Variants in P4HB observed in about 807,000 individuals in gnomAD.
P4HB encodes prolyl 4-hydroxylase subunit beta.
Under a neutral mutation model 52.6 loss-of-function variants are expected in P4HB, and 20 were observed. The ratio of observed to expected loss-of-function variants is 0.38; its 90% CI spans 0.27 to 0.55. P4HB has a LOEUF of 0.55. Among genes scored for constraint, P4HB ranks in the 20% least tolerant of loss-of-function variants. P4HB has a pLI of 0.74. For missense variants in P4HB, 601 were observed against 669.2 expected, an observed-to-expected ratio of 0.90 and a Z score of 1.12; for synonymous variants, 296 against 277.9, an observed-to-expected ratio of 1.07 and a Z score of -0.65.
rs146722666 is a variant in P4HB at position 81,853,888 on chromosome 17, C to T, written c.624+1254G>A. Among the ~76,000 whole-genome samples the T allele has an allele frequency of 3.6e-3, 541 of 152,306 alleles. 6 individuals are homozygous for T. The highest frequency in any genetic ancestry group is 0.013 in the African/African-American group (522 of 41,576). On this transcript the variant is annotated intron_variant, in intron 4 of 10. Coordinates refer to ENST00000331483, the MANE Select transcript of P4HB (RefSeq NM_000918.4). ...CAGCTGTCCCTAGAGCACAAGTGTG[C>T]GGCCCCAGCCCCACCTGCCTGGTGA...
At chr17:81,845,817 C>T in intron 8 of P4HB, 54 bp downstream of exon 8, 2 of 1,613,894 alleles carry the variant, frequency 1.2e-6, no homozygotes, top group Non-Finnish European at 1.7e-6. Flanking sequence ...AGTCTGCCTA[C>T]CTTGCGCGTG....
Position 81,845,965 on chromosome 17 carries a change from C to A in P4HB, c.1083G>T (p.Pro361=), listed in dbSNP as rs201350121. 1.2e-6 allele frequency: 2 copies of A among 1,612,088 alleles called. No homozygotes were observed. Among genetic ancestry groups the A allele is most frequent in the Non-Finnish European group, 1.7e-6 (2 of 1,179,102 alleles). Reference sequence around the variant, plus strand: ...TGACAGGCTGCTTGTCCCAGTCCTCCGGCAGCTCCTGGCTCATCAGGTGGG... The same window carrying A: ...TGACAGGCTGCTTGTCCCAGTCCTCAGGCAGCTCCTGGCTCATCAGGTGGG... ...IKPHLMSQEL[P]EDWDKQPVKV... is the part of the protein sequence containing the mutation. The change falls in exon 8 of 11, where the codon CCG becomes CCT. Residue 361 remains proline (P), a synonymous_variant. Transcript: ENST00000331483.
At chr17:81,844,121 G>A (rs1361617219) in intron 10 of P4HB, 29 bp from the exon 11 acceptor site, 1 of 1,517,334 alleles carries the variant, frequency 6.6e-7, no homozygotes, top group Non-Finnish European at 9.2e-7. Context: ...GGCGGGGCGG[G>A]CAGGTTGGCT....
chr17:81,848,619 C>T (rs1027405228), intron 4 of P4HB, among the ~76,000 whole-genome samples: 2 of 151,274 alleles, frequency 1.3e-5, no homozygotes, highest in Non-Finnish European at 2.9e-5. Context: ...ACCTGTAATC[C>T]CAGGTACTTG....
At chr17:81,859,509 G>A (rs1210148791) in intron 1 of P4HB, 122 bp from the exon 2 acceptor site, 1 of 821,766 alleles carries the variant, frequency 1.2e-6, no homozygotes, top group Non-Finnish European at 2.0e-6. Flanking sequence ...TACTCACCAA[G>A]ATAACCCCTC....
chr17:81,846,130 C>A lies in P4HB; in HGVS notation c.1057-139G>T. On this transcript the variant is annotated intron_variant, in intron 7 of 10. Transcript: ENST00000331483. The surrounding 1 kb of genome is among the most constrained non-coding windows in gnomAD (Gnocchi z 5.7). ...TGGCAGCCGCAGACACCAACAGTGC[C>A]AAGAATCCAGAAAGAGAAGGCTGGG... The A allele has an allele frequency of 8.7e-7, 1 of 1,152,044 alleles. No individual in the cohort carries two copies. Among genetic ancestry groups the A allele is most frequent in the Non-Finnish European group, 1.2e-6 (1 of 840,974 alleles). The allele number at this position is 1,152,044 out of a possible 1,614,324, so 71.4% of individuals were successfully genotyped here.
chr17:81,853,441 C>T (rs567467950), intron 4 of P4HB, among the ~76,000 whole-genome samples: 1 of 152,096 alleles, frequency 6.6e-6, no homozygotes, highest in East Asian at 1.9e-4. Flanking sequence ...GGTGTGGTGG[C>T]GGGTGCCCTG....
In P4HB at chr17:81,851,288, C is replaced by T. The variant is rs919304355; in HGVS notation, c.624+3854G>A. 2.8e-4 allele frequency among the ~76,000 whole-genome samples: 42 copies of T among 152,192 alleles called. 1 individual carries two copies. Among genetic ancestry groups the T allele is most frequent in the Admixed American group, 2.6e-3 (40 of 15,268 alleles). On this transcript the variant is annotated intron_variant, in intron 4 of 10. Coordinates refer to ENST00000331483, the MANE Select transcript of P4HB (RefSeq NM_000918.4). ...AAATCACGCATCCTTTCTTACTGGC[C>T]GTTTCCATGTATGCGTCTGCAGAGT...
chr17:81,855,847 AT>A lies in P4HB; in HGVS notation c.353-262del, dbSNP rs983278737. On this transcript the variant is annotated intron_variant, in intron 2 of 10. Transcript: ENST00000331483. This position sits in a 1 kb window ranked among gnomAD's most constrained non-coding sequence, Gnocchi z 4.3. ...CTCTGAATAACAGGATCACAAACCC[AT>A]TTTTTTTCTCTGATCTCTCTGCATT... 23 of 410,274 alleles carry A rather than the reference AT, an allele frequency of 5.6e-5. No homozygotes were observed. The highest frequency in any genetic ancestry group is 8.3e-5 in the African/African-American group (4 of 48,466). 25.4% of individuals were successfully genotyped at this position (410,274 alleles called of 1,614,324 possible).
chr17:81,848,130 T>G (rs1253621247), intron 4 of P4HB, among the ~76,000 whole-genome samples: 3 of 152,112 alleles, frequency 2.0e-5, no homozygotes, highest in Non-Finnish European at 4.4e-5. Context: ...TCAATCTCCT[T>G]ACCTCGTGAT....
In P4HB at chr17:81,846,103, G is replaced by T; in HGVS notation, c.1057-112C>A. On this transcript the variant is annotated intron_variant, in intron 7 of 10. Transcript: ENST00000331483. This position sits in a 1 kb window ranked among gnomAD's most constrained non-coding sequence, Gnocchi z 5.7. The stretch of plus-strand genomic sequence containing the variant: ...TGCGTGGCTGCCCTGGGCACACCAG[G>T]GTGGCAGCCGCAGACACCAACAGTG... 1 of 1,321,188 alleles carries T rather than the reference G, an allele frequency of 7.6e-7. No individual in the cohort carries two copies. Among genetic ancestry groups the T allele is most frequent in the Non-Finnish European group, 1.0e-6 (1 of 992,214 alleles). The allele number at this position is 1,321,188 out of a possible 1,614,324, so 81.8% of individuals were successfully genotyped here.
chr17:81,860,430 C>G lies in P4HB; in HGVS notation c.42G>C (p.Leu14=). ...RALLCLAVAA[L]VRADAPEEED... ...CCTCCTCGGGGGCGTCGGCGCGCAC[C>G]AGGGCGGCCACGGCCAGGCACAGCA... Residue 14 remains leucine (L), a synonymous_variant, in exon 1 of 11, where the codon CTG becomes CTC. Coordinates refer to ENST00000331483, the MANE Select transcript of P4HB (RefSeq NM_000918.4). 7.1e-7 allele frequency: 1 copy of G among 1,416,552 alleles called. No individual in the cohort carries two copies. The highest frequency in any genetic ancestry group is 9.3e-7 in the Non-Finnish European group (1 of 1,081,044). 87.7% of individuals were successfully genotyped at this position (1,416,552 alleles called of 1,614,324 possible).
intron 10 of P4HB, 150 bp from the exon 11 acceptor site, chr17:81,844,242 C>T (rs538570426): frequency 1.7e-5 from 12 of 713,260 alleles, no homozygotes; most frequent in African/African-American, 8.9e-5. Context: ...CTGGTCTTTA[C>T]GAGCTACACA....
chr17:81,856,619 T>C (rs1440873728), intron 2 of P4HB, among the ~76,000 whole-genome samples: 1 of 150,276 alleles, frequency 6.7e-6, no homozygotes, highest in Non-Finnish European at 1.5e-5. Flanking sequence ...ATTACAGAGG[T>C]GAGCCACTGC....
chr17:81,845,332 G>C, intron 9 of P4HB, 102 bp from the exon 10 acceptor site: 1 of 1,024,204 alleles, frequency 9.8e-7, no homozygotes, highest in Admixed American at 2.0e-5. Context: ...GGCCCGGTCC[G>C]GTGGCTCACA....
Position 81,846,233 on chromosome 17 carries a change from C to G in P4HB, c.1056+196G>C. On this transcript the variant is annotated intron_variant, in intron 7 of 10. Transcript: ENST00000331483. This position sits in a 1 kb window ranked among gnomAD's most constrained non-coding sequence, Gnocchi z 5.7. ...AGGTTTCCCTGAGGAGCATCTGGGC[C>G]AGCCGTGTGGACAAGAGGGCTCCTA... is the stretch of plus-strand genomic sequence containing the variant. 1.4e-6 allele frequency: 1 copy of G among 720,832 alleles called. No homozygotes were observed. The highest frequency in any genetic ancestry group is 2.2e-6 in the Non-Finnish European group (1 of 445,544). The allele number at this position is 720,832 out of a possible 1,614,324, so 44.7% of individuals were successfully genotyped here.
rs377635763 is a variant in P4HB at position 81,847,724 on chromosome 17, C to G, written c.625-377G>C. The G allele has an allele frequency of 4.6e-5, 11 of 239,090 alleles. No individual in the cohort carries two copies. In the East Asian group the frequency reaches 9.8e-4, roughly 21 times the overall value. The allele number at this position is 239,090 out of a possible 1,614,324, so 14.8% of individuals were successfully genotyped here. On this transcript the variant is annotated intron_variant, in intron 4 of 10. Coordinates refer to ENST00000331483, the MANE Select transcript of P4HB (RefSeq NM_000918.4). ...AGACAGTCTCGCTCTGTTGCCCAGG[C>G]TGGAGTGCAGTGGCATGATCTTGGC... is the stretch of plus-strand genomic sequence containing the variant.
At chr17:81,853,596 A>C (rs575560208) in intron 4 of P4HB, among the ~76,000 whole-genome samples, 14 of 152,110 alleles carry the variant, frequency 9.2e-5, no homozygotes, top group African/African-American at 3.4e-4. Flanking sequence ...AGAAAAAAAA[A>C]AAGAAAGTGA....
intron 4 of P4HB, among the ~76,000 whole-genome samples, chr17:81,852,982 T>C (rs373779534): frequency 6.6e-6 from 1 of 152,236 alleles, no homozygotes; most frequent in East Asian, 1.9e-4. Flanking sequence ...TCCTTCAACT[T>C]TATCCAACAC....
Sources: allele counts gnomAD v4.1 joint callset (sites outside exome capture counted in the v4.1 genomes callset), GRCh38; gene constraint gnomAD v4.1.1; non-coding constraint Gnocchi (gnomAD v3.1); transcripts MANE v1.5; gene names NCBI Gene and HGNC (gene_info 2026-07-23, HGNC 2026-07-21).